SLC16A4: variants seen among roughly 807,000 people sequenced by gnomAD.
SLC16A4 encodes solute carrier family 16 member 4, also known as probable monocarboxylate transporter 5.
Under a neutral mutation model 47.9 loss-of-function variants are expected in SLC16A4, and 39 were observed. That is an observed-to-expected ratio of 0.81 (90% CI 0.63 to 1.06). The LOEUF is 1.06. Ranked by LOEUF, SLC16A4 falls within the 50% of genes least tolerant of loss-of-function variation. The pLI is 0.00. For synonymous variants in SLC16A4, 189 were observed against 199.9 expected, an observed-to-expected ratio of 0.95 and a Z score of 0.46; for missense variants, 524 against 573.8, an observed-to-expected ratio of 0.91 and a Z score of 0.89.
chr1:110,383,227 T>G (rs761354617), intron 2 of SLC16A4, among the ~76,000 whole-genome samples: 3 of 152,170 alleles, frequency 2.0e-5, no homozygotes, highest in Non-Finnish European at 4.4e-5. Context: ...ACCAAATAAT[T>G]TATACCAAAT....
intron 4 of SLC16A4, 74 bp downstream of exon 4, chr1:110,381,578 C>T (rs1427184511): frequency 8.7e-6 from 13 of 1,500,602 alleles, no homozygotes; most frequent in Admixed American, 2.2e-5. Flanking sequence ...ACTTTGGCCT[C>T]CCAAAGTGCT....
At chr1:110,366,405 C>T (rs1661402123) in intron 8 of SLC16A4, among the ~76,000 whole-genome samples, 1 of 152,102 alleles carries the variant, frequency 6.6e-6, no homozygotes, top group Non-Finnish European at 1.5e-5. Context: ...GGTGATCCGC[C>T]TGCCTCAGCC....
At chr1:110,383,112 T>G (rs889056106) in intron 2 of SLC16A4, 146 bp from the exon 3 acceptor site, 3 of 571,488 alleles carry the variant, frequency 5.2e-6, no homozygotes, top group South Asian at 3.8e-5. Flanking sequence ...CATCTTATAT[T>G]TTATGGGGGA....
chr1:110,390,269 C>T (rs961740333), intron 1 of SLC16A4, among the ~76,000 whole-genome samples: 4 of 152,236 alleles, frequency 2.6e-5, no homozygotes, highest in East Asian at 3.9e-4. Flanking sequence ...AGAAGCTGTG[C>T]GTCACCCTGC....
In SLC16A4 at chr1:110,379,368, G is replaced by T; in HGVS notation, c.527-12C>A. ...TAATATAAGGGCTCCTAAATAGGGA[G>T]AGATTGAGCAATTAAAAATAGCCTT... is the stretch of plus-strand genomic sequence containing the variant. On this transcript the variant is annotated splice_polypyrimidine_tract_variant and intron_variant, in intron 5 of 8. Transcript: ENST00000369779. 6.3e-7 allele frequency: 1 copy of T among 1,577,404 alleles called. No individual in the cohort carries two copies. The highest frequency in any genetic ancestry group is 1.1e-5 in the South Asian group (1 of 87,178).
chr1:110,382,940 G>C lies in SLC16A4; in HGVS notation c.114C>G (p.Thr38=). 1 of 1,611,064 alleles carries C rather than the reference G, an allele frequency of 6.2e-7. No homozygotes were observed. Among genetic ancestry groups the C allele is most frequent in the Non-Finnish European group, 8.5e-7 (1 of 1,178,080 alleles). ...FLVNVFVMGM[T]KTFAIFFVVF... Reference sequence around the variant, plus strand: ...CCACAAAGAAAATTGCAAAAGTCTTGGTCATCCCCATCACAAACACATTCA... The same window carrying C: ...CCACAAAGAAAATTGCAAAAGTCTTCGTCATCCCCATCACAAACACATTCA... The change falls in exon 3 of 9, where the codon ACC becomes ACG. Residue 38 remains threonine, a synonymous_variant. Transcript: ENST00000369779.
intron 3 of SLC16A4, 45 bp downstream of exon 3, chr1:110,382,789 T>C (rs1434965621): frequency 4.1e-6 from 6 of 1,474,454 alleles, no homozygotes; most frequent in Non-Finnish European, 5.4e-6. Context: ...AATTGCCCTT[T>C]GTGGTTCTTC....
At chr1:110,385,343 G>C (rs1662678236) in intron 2 of SLC16A4, among the ~76,000 whole-genome samples, 2 of 152,288 alleles carry the variant, frequency 1.3e-5, no homozygotes, top group Middle Eastern at 3.4e-3. Flanking sequence ...TAGCTCATAA[G>C]ACTGTGAAGA....
chr1:110,377,534 A>C (rs1662074062), intron 6 of SLC16A4, among the ~76,000 whole-genome samples: 1 of 152,234 alleles, frequency 6.6e-6, no homozygotes. Context: ...TCTAAAAGAC[A>C]AATAGACCTT....
intron 8 of SLC16A4, chr1:110,371,591 C>T (rs557003412): frequency 6.6e-6 from 1 of 152,296 alleles, no homozygotes; most frequent in Admixed American, 6.5e-5. Context: ...AATATCAATA[C>T]TTCTCATTTT....
chr1:110,366,447 G>A (rs1192979549), intron 8 of SLC16A4, among the ~76,000 whole-genome samples: 1 of 152,096 alleles, frequency 6.6e-6, no homozygotes, highest in Non-Finnish European at 1.5e-5. Context: ...CTCACTCTTA[G>A]AATGCTGTTT....
At chr1:110,384,682 A>G (rs1258606011) in intron 2 of SLC16A4, among the ~76,000 whole-genome samples, 1 of 152,144 alleles carries the variant, frequency 6.6e-6, no homozygotes, top group East Asian at 1.9e-4. Context: ...TTTCAAGGCC[A>G]CTTCTGCTTT....
intron 2 of SLC16A4, 26 bp downstream of exon 2, chr1:110,389,211 A>G: frequency 6.3e-7 from 1 of 1,578,270 alleles, no homozygotes; most frequent in Non-Finnish European, 8.7e-7. Context: ...AGGCAATAGG[A>G]AAGGGGGAAA....
At chr1:110,379,476 T>A in intron 5 of SLC16A4, 120 bp from the exon 6 acceptor site, 1 of 910,710 alleles carries the variant, frequency 1.1e-6, no homozygotes, top group Non-Finnish European at 1.6e-6. Flanking sequence ...AACATTACTT[T>A]GTCTCCGATT....
At chr1:110,364,893 T>G (rs889105467) in intron 8 of SLC16A4, among the ~76,000 whole-genome samples, 3 of 151,660 alleles carry the variant, frequency 2.0e-5, no homozygotes, top group Non-Finnish European at 4.4e-5. Context: ...AGCGAAACAC[T>G]TTTTTTTCTT....
At chr1:110,385,924 A>G (rs1040093004) in intron 2 of SLC16A4, among the ~76,000 whole-genome samples, 7 of 152,220 alleles carry the variant, frequency 4.6e-5, no homozygotes, top group Non-Finnish European at 8.8e-5. Flanking sequence ...ACAGATCTCA[A>G]ATGACTTAGA....
chr1:110,366,025 G>A (rs1661357894), intron 8 of SLC16A4, among the ~76,000 whole-genome samples: 1 of 151,940 alleles, frequency 6.6e-6, no homozygotes, highest in Middle Eastern at 3.4e-3. Flanking sequence ...CTGGCCCCAA[G>A]TCATCCTCCT....
intron 8 of SLC16A4, 93 bp from the exon 9 acceptor site, chr1:110,363,986 T>TA: frequency 7.5e-7 from 1 of 1,332,760 alleles, no homozygotes; most frequent in Non-Finnish European, 1.0e-6. Flanking sequence ...GAGCCTCCTG[T>TA]ATTGTGACCC....
chr1:110,377,106 C>T lies in SLC16A4; in HGVS notation c.1086G>A (p.Trp362Ter), dbSNP rs1309903109. 3.7e-6 allele frequency: 6 copies of T among 1,613,994 alleles called. No individual in the cohort carries two copies. The highest frequency in any genetic ancestry group is 5.1e-6 in the Non-Finnish European group (6 of 1,180,020). The change falls in exon 7 of 9, where the codon TGG becomes TGA. Residue 362 changes from tryptophan (W) to a stop codon, truncating the protein, a stop_gained. Transcript: ENST00000369779. LOFTEE classifies it high-confidence loss of function. ...ACTTGTGGTAATGATACTTCTTAATCCAGTTTTGATCAGCAACCCATCCAG... is the reference window on the plus strand; with the variant it reads ...ACTTGTGGTAATGATACTTCTTAATTCAGTTTTGATCAGCAACCCATCCAG... Reference protein sequence around the residue: ...IISGWVADQNWIKKYHYHKSY... With the variant: ...IISGWVADQN
Sources: gnomAD v4.1 joint callset for allele counts (sites outside exome capture counted in the v4.1 genomes callset) on GRCh38, gnomAD v4.1.1 for gene constraint, MANE v1.5 for transcripts, NCBI Gene and HGNC (gene_info 2026-07-23, HGNC 2026-07-21) for gene names.